DNAAF11: variants seen among roughly 807,000 people sequenced by gnomAD.
DNAAF11 encodes the protein dynein axonemal assembly factor 11, also known as leucine rich repeat containing 6.
DNAAF11 carries 45 observed loss-of-function variants against 60.8 expected under a neutral mutation model. The ratio of observed to expected loss-of-function variants is 0.74; its 90% CI spans 0.58 to 0.95. The LOEUF is 0.95. Among genes scored for constraint, DNAAF11 ranks in the 40% least tolerant of loss-of-function variants. The pLI is 0.00. For missense variants in DNAAF11, 546 were observed against 546.2 expected (o/e 1.00, Z 0.00); for synonymous variants, 191 against 183.5 (o/e 1.04, Z -0.33).
the DNAAF11 span, among the ~76,000 whole-genome samples, chr8:132,691,028 T>C: frequency 2.0e-5 from 3 of 151,402 alleles, no homozygotes; most frequent in Admixed American, 6.6e-5. Flanking sequence ...TTCCATTCTA[T>C]ATTCTTTGGA....
At chr8:132,686,281 G>C in the DNAAF11 span, among the ~76,000 whole-genome samples, 4 of 152,070 alleles carry the variant, frequency 2.6e-5, no homozygotes, top group Admixed American at 2.6e-4. Context: ...GGAGAGCCTG[G>C]TTTGCTCAAA....
intron 11 of DNAAF11, among the ~76,000 whole-genome samples, chr8:132,580,253 C>T (rs955612680): frequency 3.9e-5 from 6 of 152,190 alleles, no homozygotes; most frequent in Admixed American, 2.0e-4. Context: ...CACTACTCAA[C>T]ACTGTCCTGG....
chr8:132,686,108 C>T, the DNAAF11 span, among the ~76,000 whole-genome samples: 7 of 152,044 alleles, frequency 4.6e-5, no homozygotes, highest in African/African-American at 9.6e-5. Context: ...GATGATAGAA[C>T]GAGAGTGAAG....
chr8:132,627,921 C>T (rs1202801639), intron 5 of DNAAF11, among the ~76,000 whole-genome samples: 3 of 152,176 alleles, frequency 2.0e-5, no homozygotes, highest in Admixed American at 1.3e-4. Context: ...TTCTTGGAGA[C>T]ACTACAAGAG....
chr8:132,591,425 T>G (rs144291317), intron 10 of DNAAF11, among the ~76,000 whole-genome samples: 2,484 of 151,240 alleles, frequency 0.016, 45 homozygotes, highest in African/African-American at 0.051. Context: ...TAAAATTTTT[T>G]TAAATGTTTG....
At chr8:132,617,341 T>C (rs1379798032) in intron 7 of DNAAF11, among the ~76,000 whole-genome samples, 2 of 152,064 alleles carry the variant, frequency 1.3e-5, no homozygotes, top group African/African-American at 4.8e-5. Context: ...AGATGAGCAG[T>C]CAGTAAGATA....
intron 7 of DNAAF11, among the ~76,000 whole-genome samples, chr8:132,621,559 G>A (rs903488370): frequency 1.3e-5 from 2 of 152,078 alleles, no homozygotes; most frequent in African/African-American, 2.4e-5. Context: ...ATGGAGTTCC[G>A]AGAGTCTCCC....
At chr8:132,633,873 G>A (rs1288673064) in intron 4 of DNAAF11, among the ~76,000 whole-genome samples, 2 of 152,006 alleles carry the variant, frequency 1.3e-5, no homozygotes, top group African/African-American at 4.8e-5. Flanking sequence ...GCAAAGTAAG[G>A]GATTCTCTCC....
chr8:132,671,810 T>TA lies in DNAAF11; in HGVS notation c.10+3673dup, dbSNP rs1170973904. On this transcript the variant is annotated intron_variant, in intron 1 of 11. Transcript: ENST00000620350. ...GGCTGGTACTACTGGATTTCCATAT[T>TA]AAAAAAAAAAACACACACAACAACA... Among the ~76,000 whole-genome samples the TA allele has an allele frequency of 4.1e-3, 600 of 144,880 alleles. 2 individuals carry two copies. The highest frequency in any genetic ancestry group is 0.014 in the African/African-American group (539 of 39,700).
chr8:132,660,086 G>A (rs1326506398), intron 2 of DNAAF11, among the ~76,000 whole-genome samples: 1 of 152,174 alleles, frequency 6.6e-6, no homozygotes, highest in Non-Finnish European at 1.5e-5. Context: ...CCTCAGCCCT[G>A]ACTCCATCCC....
intron 1 of DNAAF11, among the ~76,000 whole-genome samples, chr8:132,674,181 A>AAGG (rs1411283543): frequency 1.2e-5 from 1 of 82,490 alleles, no homozygotes; most frequent in Admixed American, 1.2e-4. Flanking sequence ...GGAGGAGGAG[A>AAGG]AGGAGGAGGA....
intron 10 of DNAAF11, 57 bp downstream of exon 10, chr8:132,610,109 G>A (rs1818503897): frequency 8.0e-6 from 10 of 1,255,640 alleles, no homozygotes; most frequent in Non-Finnish European, 1.1e-5. Flanking sequence ...GACAGGTCAA[G>A]TTCCTTCAGG....
At chr8:132,655,944 C>T (rs558758597) in intron 3 of DNAAF11, among the ~76,000 whole-genome samples, 3 of 152,266 alleles carry the variant, frequency 2.0e-5, no homozygotes, top group African/African-American at 7.2e-5. Flanking sequence ...TGCAGAACAA[C>T]TTGGCAGTAT....
chr8:132,610,949 C>T (rs900056359), intron 9 of DNAAF11, among the ~76,000 whole-genome samples: 1 of 152,012 alleles, frequency 6.6e-6, no homozygotes, highest in African/African-American at 2.4e-5. Context: ...GGCTGGAGTG[C>T]AGTGGGGTGA....
chr8:132,597,514 CA>C (rs1415199300), intron 10 of DNAAF11, among the ~76,000 whole-genome samples: 1 of 152,160 alleles, frequency 6.6e-6, no homozygotes, highest in Non-Finnish European at 1.5e-5. Flanking sequence ...TTTATTTTGA[CA>C]AGAATGTATG....
chr8:132,599,625 C>A (rs1419530695), intron 10 of DNAAF11, among the ~76,000 whole-genome samples: 1 of 151,998 alleles, frequency 6.6e-6, no homozygotes, highest in Non-Finnish European at 1.5e-5. Flanking sequence ...TCAACATATG[C>A]AAATCAATAA....
the DNAAF11 span, among the ~76,000 whole-genome samples, chr8:132,694,110 T>G: frequency 1.3e-5 from 2 of 152,246 alleles, no homozygotes; most frequent in African/African-American, 4.8e-5. Flanking sequence ...GAGGGGATAA[T>G]AACCTTGAAG....
intron 10 of DNAAF11, among the ~76,000 whole-genome samples, chr8:132,599,101 G>A (rs1259697422): frequency 3.9e-5 from 6 of 151,946 alleles, no homozygotes; most frequent in Admixed American, 6.6e-5. Context: ...TATCACCACC[G>A]ATCCCACAGA....
At chr8:132,622,862 G>A in intron 6 of DNAAF11, 174 bp from the exon 7 acceptor site, 1 of 557,402 alleles carries the variant, frequency 1.8e-6, no homozygotes, top group Non-Finnish European at 3.2e-6. Context: ...ATTCTATGCT[G>A]GGAACTGACA....
Sources: gnomAD v4.1 joint callset for allele counts (sites outside exome capture counted in the v4.1 genomes callset) on GRCh38, gnomAD v4.1.1 for gene constraint, MANE v1.5 for transcripts, NCBI Gene and HGNC (gene_info 2026-07-23, HGNC 2026-07-21) for gene names.